NRG1: variants seen among roughly 807,000 people sequenced by gnomAD.
NRG1 encodes the protein neuregulin 1.
A neutral mutation model predicts 63.8 loss-of-function variants in NRG1; 18 were observed. The observed-to-expected ratio is 0.28, with a 90% CI of 0.19 to 0.42. The LOEUF is 0.42. Ranked by LOEUF, NRG1 falls within the 10% of genes least tolerant of loss-of-function variation. The probability of loss-of-function intolerance (pLI) is 1.00; values close to 1 mark genes in which losing one functional copy is unlikely to be tolerated. For synonymous variants in NRG1, 302 were observed against 301.3 expected, an observed-to-expected ratio of 1.00 and a Z score of -0.02; for missense variants, 762 against 814.7, an observed-to-expected ratio of 0.94 and a Z score of 0.79.
At chr8:32,142,959 A>G (rs1328834923) in intron 1 of NRG1, among the ~76,000 whole-genome samples, 1 of 152,188 alleles carries the variant, frequency 6.6e-6, no homozygotes, top group Non-Finnish European at 1.5e-5. Context: ...ACTTTAAGAA[A>G]GGTCTTAGTG....
intron 11 of NRG1, chr8:32,763,169 C>G: frequency 1.3e-6 from 2 of 1,578,898 alleles, no homozygotes; most frequent in Non-Finnish European, 1.7e-6. Flanking sequence ...ATGTATGACA[C>G]TGTTGTCAGG....
intron 1 of NRG1, among the ~76,000 whole-genome samples, chr8:32,352,756 C>T (rs901439600): frequency 6.6e-6 from 1 of 151,944 alleles, no homozygotes; most frequent in Non-Finnish European, 1.5e-5. Context: ...TGGCATGCAC[C>T]TGTAGTCCCA....
At chr8:32,646,447 G>A (rs1381827913) in intron 5 of NRG1, among the ~76,000 whole-genome samples, 1 of 152,196 alleles carries the variant, frequency 6.6e-6, no homozygotes, top group Admixed American at 6.5e-5. Context: ...CTCAGCAGCA[G>A]GCAGGAAGAA....
intron 1 of NRG1, among the ~76,000 whole-genome samples, chr8:31,705,841 A>T (rs541152353): frequency 3.7e-4 from 56 of 152,338 alleles, no homozygotes; most frequent in African/African-American, 1.3e-3. Flanking sequence ...ATTCCTGCTT[A>T]AAAAAGGAGG....
intron 1 of NRG1, among the ~76,000 whole-genome samples, chr8:31,773,143 C>G (rs1563384358): frequency 6.6e-6 from 1 of 152,154 alleles, no homozygotes; most frequent in Non-Finnish European, 1.5e-5. Flanking sequence ...GACAAACTTG[C>G]TCTGGTATTG....
intron 1 of NRG1, among the ~76,000 whole-genome samples, chr8:31,997,196 T>C (rs911472585): frequency 5.3e-5 from 8 of 151,720 alleles, no homozygotes; most frequent in African/African-American, 1.9e-4. Flanking sequence ...TTTTTTTTTT[T>C]TTTTTTACTA....
intron 1 of NRG1, among the ~76,000 whole-genome samples, chr8:32,222,056 C>G (rs1845877380): frequency 6.6e-6 from 1 of 152,020 alleles, no homozygotes; most frequent in Non-Finnish European, 1.5e-5. Flanking sequence ...CACACACACA[C>G]ACACACACAT....
intron 1 of NRG1, among the ~76,000 whole-genome samples, chr8:32,506,423 G>A (rs1828537691): frequency 6.6e-6 from 1 of 152,106 alleles, no homozygotes; most frequent in Non-Finnish European, 1.5e-5. Flanking sequence ...CAGTCTGTGA[G>A]GCTGGCTCAA....
At chr8:31,862,998 C>G (rs1828611334) in intron 1 of NRG1, among the ~76,000 whole-genome samples, 1 of 152,156 alleles carries the variant, frequency 6.6e-6, no homozygotes, top group Non-Finnish European at 1.5e-5. Flanking sequence ...ACCCAAGTAG[C>G]TGCCATTAGC....
At chr8:32,426,367 C>G (rs1587579426) in intron 1 of NRG1, among the ~76,000 whole-genome samples, 1 of 152,242 alleles carries the variant, frequency 6.6e-6, no homozygotes, top group East Asian at 1.9e-4. Context: ...AAATCTGAAT[C>G]AATTTCTATT....
intron 1 of NRG1, among the ~76,000 whole-genome samples, chr8:32,095,564 A>G (rs886600205): frequency 1.3e-5 from 2 of 152,246 alleles, no homozygotes; most frequent in Non-Finnish European, 2.9e-5. Flanking sequence ...TGTCCATATG[A>G]AAAGAATAAC....
chr8:32,687,610 G>A (rs73592654), intron 5 of NRG1, among the ~76,000 whole-genome samples: 4,977 of 152,208 alleles, frequency 0.033, 295 homozygotes, highest in African/African-American at 0.11. Context: ...AGTTGCCTGG[G>A]GAGATGATCT....
intron 1 of NRG1, among the ~76,000 whole-genome samples, chr8:32,513,301 G>A (rs1017556602): frequency 6.6e-6 from 1 of 151,554 alleles, no homozygotes; most frequent in Admixed American, 6.6e-5. Flanking sequence ...TTCCATATAA[G>A]GGGCAAAAGA....
chr8:32,033,147 T>C (rs1196939820), intron 1 of NRG1, among the ~76,000 whole-genome samples: 1 of 148,064 alleles, frequency 6.8e-6, no homozygotes, highest in Non-Finnish European at 1.5e-5. Context: ...CAGGCTGGAG[T>C]GCAGTGGCAG....
chr8:32,448,603 C>T (rs1465727484), intron 1 of NRG1, among the ~76,000 whole-genome samples: 1 of 152,128 alleles, frequency 6.6e-6, no homozygotes, highest in South Asian at 2.1e-4. Flanking sequence ...CCTAAGGTAA[C>T]CGCAAGATGA....
chr8:32,363,063 G>C (rs1199661221), intron 1 of NRG1, among the ~76,000 whole-genome samples: 1 of 152,176 alleles, frequency 6.6e-6, no homozygotes, highest in African/African-American at 2.4e-5. Flanking sequence ...TAGTCTGAGT[G>C]AATCTTGGTC....
rs182343012 is a variant in NRG1, at chr8:32,025,743, C to A, written c.37+386312C>A. Among the ~76,000 whole-genome samples the A allele has an allele frequency of 2.1e-3, 312 of 151,888 alleles. 1 individual carries two copies. The highest frequency in any genetic ancestry group is 7.3e-3 in the African/African-American group (301 of 41,478). On this transcript the variant is annotated intron_variant, in intron 1 of 10. Transcript: ENST00000519301. Reference sequence around the variant, plus strand: ...CGGGCGGATCACGAGGTCAGGAGATCGAGACCATCCTGGCTAACAAGGTGA... The same window carrying A: ...CGGGCGGATCACGAGGTCAGGAGATAGAGACCATCCTGGCTAACAAGGTGA...
At chr8:32,760,405 A>T in exon 11 of NRG1, 1 of 1,613,460 alleles carries the variant, frequency 6.2e-7, no homozygotes, top group Non-Finnish European at 8.5e-7. Flanking sequence ...TCATAGTGAA[A>T]GGTAAAACCG....
chr8:32,763,220 AT>A, intron 11 of NRG1: 1 of 1,613,878 alleles, frequency 6.2e-7, no homozygotes, highest in Non-Finnish European at 8.5e-7. Flanking sequence ...TTCATAAGAC[AT>A]AACCTTATAG....
Sources: gnomAD v4.1 joint callset for allele counts (sites outside exome capture counted in the v4.1 genomes callset) on GRCh38, gnomAD v4.1.1 for gene constraint, MANE v1.5 for transcripts, NCBI Gene and HGNC (gene_info 2026-07-23, HGNC 2026-07-21) for gene names.